PPFIA1: variants seen among roughly 807,000 people sequenced by gnomAD.
PPFIA1 encodes PPFI scaffold protein A1, also known as liprin-alpha-1.
A neutral mutation model predicts 149.9 loss-of-function variants in PPFIA1; 25 were observed. The observed-to-expected ratio is 0.17, with a 90% CI of 0.12 to 0.23. The LOEUF (loss-of-function observed/expected upper bound fraction) is 0.23, where lower values mean the gene tolerates loss of function less well. Ranked by LOEUF, PPFIA1 falls within the 10% of genes least tolerant of loss-of-function variation. PPFIA1 has a pLI of 1.00. For synonymous variants in PPFIA1, 549 were observed against 552.8 expected (o/e 0.99, Z 0.10); for missense variants, 1,362 against 1,506.5 (o/e 0.90, Z 1.59).
chr11:70,272,741 G>A (rs2050166005), intron 2 of PPFIA1, among the ~76,000 whole-genome samples: 1 of 152,152 alleles, frequency 6.6e-6, no homozygotes, highest in Non-Finnish European at 1.5e-5. Context: ...AATCTATTTG[G>A]TGCCTCCATT....
At chr11:70,381,323 TC>T (rs1210974335) in intron 26 of PPFIA1, 3 of 152,162 alleles carry the variant, frequency 2.0e-5, no homozygotes, top group Non-Finnish European at 2.9e-5. Flanking sequence ...AGTACCTGCT[TC>T]CGATTTGCAA....
At position 70,270,749 on chromosome 11, in the gene PPFIA1, G is replaced by A. The variant is rs928457313; in HGVS notation, c.-166G>A. 2 of 150,406 alleles carry A rather than the reference G, an allele frequency of 1.3e-5. No individual in the cohort carries two copies. Among genetic ancestry groups the A allele is most frequent in the Non-Finnish European group, 3.0e-5 (2 of 67,474 alleles). 9.3% of individuals were successfully genotyped at this position (150,406 alleles called of 1,614,324 possible). A position where few individuals can be genotyped will look rare whatever the true frequency, so the allele number is the denominator to read the frequency against. On this transcript the variant is annotated 5_prime_UTR_variant, in exon 1 of 28. Coordinates refer to ENST00000253925, the MANE Select transcript of PPFIA1 (RefSeq NM_003626.5). ...CTCCGCTCCGCCAGTGTCCGGCCGC[G>A]GGCCGGCCTTAGTGACTGGGGCGGC...
intron 21 of PPFIA1, among the ~76,000 whole-genome samples, chr11:70,366,763 C>T (rs777442396): frequency 6.6e-6 from 1 of 152,188 alleles, no homozygotes; most frequent in East Asian, 1.9e-4. Context: ...TTCCTGATTA[C>T]GAGGTGATGG....
At chr11:70,359,378 A>G (rs1037817331) in intron 19 of PPFIA1, among the ~76,000 whole-genome samples, 1 of 152,180 alleles carries the variant, frequency 6.6e-6, no homozygotes, top group Non-Finnish European at 1.5e-5. Context: ...GGGCGACCCT[A>G]CATCTTTCCT....
intron 11 of PPFIA1, 95 bp from the exon 12 acceptor site, chr11:70,337,270 T>C (rs1459197226): frequency 1.1e-5 from 9 of 850,934 alleles, no homozygotes; most frequent in African/African-American, 1.8e-5. Flanking sequence ...CCGTTCCCTT[T>C]GTGTGGTCCT....
chr11:70,332,135 G>A, intron 9 of PPFIA1, 41 bp downstream of exon 9: 2 of 1,547,670 alleles, frequency 1.3e-6, no homozygotes, highest in Non-Finnish European at 1.7e-6. Context: ...TGCCAGGCCT[G>A]TGACTGTGCC....
Position 70,324,979 on chromosome 11 carries a change from T to C in PPFIA1, c.499T>C (p.Leu167=). 2 of 1,613,106 alleles carry C rather than the reference T, an allele frequency of 1.2e-6. No individual in the cohort carries two copies. The highest frequency in any genetic ancestry group is 1.7e-6 in the Non-Finnish European group (2 of 1,179,780). Residue 167 remains leucine (L), a synonymous_variant, in exon 4 of 28, where the codon TTA becomes CTA. Coordinates refer to ENST00000253925, the MANE Select transcript of PPFIA1 (RefSeq NM_003626.5). ...EVEVLKALKS[L]FEHHKALDEK... The stretch of plus-strand genomic sequence containing the variant: ...GGAAGTGCTGAAAGCACTGAAGTCC[T>C]TATTTGAACACCACAAAGCTCTGGA...
chr11:70,270,730 T>A lies in PPFIA1; in HGVS notation c.-185T>A, dbSNP rs1391142916. ...GCAGCCGGGCCCGCTCCTCCTCCGC[T>A]CCGCCAGTGTCCGGCCGCGGGCCGG... On this transcript the variant is annotated 5_prime_UTR_variant, in exon 1 of 28. Coordinates refer to ENST00000253925, the MANE Select transcript of PPFIA1 (RefSeq NM_003626.5). 1 of 150,130 alleles carries A rather than the reference T, an allele frequency of 6.7e-6. No homozygotes were observed. The highest frequency in any genetic ancestry group is 2.1e-4 in the South Asian group (1 of 4,780). 9.3% of individuals were successfully genotyped at this position (150,130 alleles called of 1,614,324 possible).
chr11:70,296,805 T>C (rs1406402418), intron 2 of PPFIA1, among the ~76,000 whole-genome samples: 1 of 151,538 alleles, frequency 6.6e-6, no homozygotes, highest in Non-Finnish European at 1.5e-5. Flanking sequence ...TTATCACATT[T>C]GTTTCTTTGC....
chr11:70,289,337 C>T (rs2051368980), intron 2 of PPFIA1, among the ~76,000 whole-genome samples: 1 of 152,058 alleles, frequency 6.6e-6, no homozygotes, highest in South Asian at 2.1e-4. Flanking sequence ...AAAAAACCTC[C>T]AATTTCATAC....
intron 2 of PPFIA1, among the ~76,000 whole-genome samples, chr11:70,275,749 C>T (rs1348792185): frequency 6.6e-6 from 1 of 152,142 alleles, no homozygotes; most frequent in East Asian, 1.9e-4. Context: ...TCTTCTGCTC[C>T]TTTGATCTTT....
intron 26 of PPFIA1, among the ~76,000 whole-genome samples, chr11:70,380,687 A>G (rs2057677542): frequency 6.6e-6 from 1 of 151,824 alleles, no homozygotes; most frequent in Non-Finnish European, 1.5e-5. Flanking sequence ...GTGAGCCGAA[A>G]TCATGCCACT....
chr11:70,319,541 G>A lies in PPFIA1; in HGVS notation c.265-4861G>A, dbSNP rs567353648. On this transcript the variant is annotated intron_variant, in intron 2 of 27. Coordinates refer to ENST00000253925, the MANE Select transcript of PPFIA1 (RefSeq NM_003626.5). ...TCCCAGTCTTAATCTCCTCCAGCCC[G>A]GGGGTAGCAGTGCTTCCAGCGACCT... Among the ~76,000 whole-genome samples the A allele has an allele frequency of 4.6e-5, 7 of 152,272 alleles. No individual in the cohort carries two copies. In the South Asian group the frequency reaches 1.2e-3, roughly 27 times the overall value.
chr11:70,291,245 A>G (rs2051506342), intron 2 of PPFIA1, among the ~76,000 whole-genome samples: 1 of 152,222 alleles, frequency 6.6e-6, no homozygotes, highest in Non-Finnish European at 1.5e-5. Flanking sequence ...CACCTTAAAA[A>G]TAATTTGTGG....
intron 16 of PPFIA1, among the ~76,000 whole-genome samples, chr11:70,351,396 G>C (rs985006558): frequency 6.6e-6 from 1 of 152,240 alleles, no homozygotes; most frequent in Non-Finnish European, 1.5e-5. Context: ...TTGGGCTCTT[G>C]CTGTATGCCA....
Position 70,324,948 on chromosome 11 carries a change from C to T in PPFIA1, c.468C>T (p.Ser156=), listed in dbSNP as rs879794411. Residue 156 remains serine, a synonymous_variant, in exon 4 of 28, where the codon AGC becomes AGT. Transcript: ENST00000253925. ...CGCAGTCTCCAGCAGGCGTGTCCAG[C>T]GAAGTGGAAGTGCTGAAAGCACTGA... ...RQAQSPAGVS[S]EVEVLKALKS... 34 of 1,613,872 alleles carry T rather than the reference C, an allele frequency of 2.1e-5. No homozygotes were observed. The highest frequency in any genetic ancestry group is 5.3e-5 in the African/African-American group (4 of 74,932).
intron 21 of PPFIA1, chr11:70,362,977 A>AT (rs1221400428): frequency 6.6e-6 from 1 of 152,468 alleles, no homozygotes; most frequent in Non-Finnish European, 1.5e-5. Flanking sequence ...GAAAAAGTTA[A>AT]TATTTTAAGG....
rs1413942333 is a variant in PPFIA1 at position 70,348,337 on chromosome 11, C to A, written c.2080C>A (p.Pro694Thr). The change falls in exon 16 of 28, where the codon CCT becomes ACT. Residue 694 changes from proline to threonine, a missense_variant. Transcript: ENST00000253925. Reference protein sequence around the residue: ...YPASSLASSSPPGSGRSTPRR... With the variant: ...YPASSLASSSTPGSGRSTPRR... Reference sequence around the variant, plus strand: ...TGCTTCCTCGCTTGCTAGCTCCTCCCCTCCGGGCAGTGGGCGCTCCACCCC... The same window carrying A: ...TGCTTCCTCGCTTGCTAGCTCCTCCACTCCGGGCAGTGGGCGCTCCACCCC... 1.2e-6 allele frequency: 2 copies of A among 1,614,156 alleles called. No homozygotes were observed. The highest frequency in any genetic ancestry group is 4.5e-5 in the East Asian group (2 of 44,854).
At chr11:70,277,049 T>TTATA (rs2050431250) in intron 2 of PPFIA1, among the ~76,000 whole-genome samples, 1 of 30,644 alleles carries the variant, frequency 3.3e-5, no homozygotes, top group Non-Finnish European at 6.7e-5. Flanking sequence ...TATATATATA[T>TTATA]ATATATATAT....
Sources: allele counts gnomAD v4.1 joint callset (sites outside exome capture counted in the v4.1 genomes callset), GRCh38; gene constraint gnomAD v4.1.1; transcripts MANE v1.5; gene names NCBI Gene and HGNC (gene_info 2026-07-23, HGNC 2026-07-21).